MBP: variants seen among roughly 807,000 people sequenced by gnomAD.
MBP encodes the protein myelin basic protein.
MBP carries 16 observed loss-of-function variants against 35.8 expected under a neutral mutation model. The ratio of observed to expected loss-of-function variants is 0.45; its 90% confidence interval spans 0.30 to 0.68. The LOEUF is 0.68. Ranked by LOEUF, MBP falls within the 30% of genes least tolerant of loss-of-function variation. The pLI, the probability that MBP is intolerant of heterozygous loss-of-function variation, is 0.08. For missense variants in MBP, 380 were observed against 404.7 expected, an observed-to-expected ratio of 0.94 and a Z score of 0.52; for synonymous variants, 143 against 159.6, an observed-to-expected ratio of 0.90 and a Z score of 0.78.
Position 76,988,611 on chromosome 18 carries a change from A to G in MBP, c.718-84T>C. On this transcript the variant is annotated intron_variant, in intron 6 of 8. Coordinates refer to ENST00000355994, the MANE Select transcript of MBP (RefSeq NM_001025101.2). The surrounding 1 kb of genome is among the most constrained non-coding windows in gnomAD (Gnocchi z 5.2). ...AATCAACAGGAAACACAGTCAAAGC[A>G]CAGTGGAGCTGAGGTGGTAAAAACA... is the stretch of plus-strand genomic sequence containing the variant. The G allele has an allele frequency of 6.4e-7, 1 of 1,553,268 alleles. No individual in the cohort carries two copies. Among genetic ancestry groups the G allele is most frequent in the Non-Finnish European group, 8.7e-7 (1 of 1,152,296 alleles).
intron 3 of MBP, among the ~76,000 whole-genome samples, chr18:77,024,606 G>C (rs184357437): frequency 5.3e-5 from 8 of 152,210 alleles, no homozygotes; most frequent in African/African-American, 1.9e-4. Context: ...CCAGGCCCTC[G>C]TGCTCTGCAG....
intron 3 of MBP, among the ~76,000 whole-genome samples, chr18:77,034,648 G>A (rs960110848): frequency 1.9e-4 from 29 of 152,298 alleles, no homozygotes; most frequent in African/African-American, 6.7e-4. Flanking sequence ...AACAGTCCCT[G>A]CCCTCATTTT....
rs1227080906 is a variant in MBP at position 77,020,841 on chromosome 18, C to G, written c.140-3573G>C. The stretch of plus-strand genomic sequence containing the variant: ...AGACCACACCCCGGGACCTAGCTCA[C>G]CACAGGCCTGCCTAAGAGTGGACGG... On this transcript the variant is annotated intron_variant, in intron 3 of 8. Transcript: ENST00000355994. This position sits in a 1 kb window ranked among gnomAD's most constrained non-coding sequence, Gnocchi z 4.1. Among the ~76,000 whole-genome samples the G allele has an allele frequency of 6.6e-6, 1 of 152,208 alleles. No individual in the cohort carries two copies. The highest frequency in any genetic ancestry group is 1.5e-5 in the Non-Finnish European group (1 of 68,036).
At chr18:76,987,504 T>G in intron 7 of MBP, 1 of 985,694 alleles carries the variant, frequency 1.0e-6, no homozygotes, top group Non-Finnish European at 1.2e-6. Flanking sequence ...CCTTCCTCCC[T>G]CTCTTCCTTC....
chr18:77,003,255 G>A (rs926492890), intron 4 of MBP: 1 of 152,182 alleles, frequency 6.6e-6, no homozygotes, highest in African/African-American at 2.4e-5. Context: ...CTATGTGACT[G>A]AAAACCAACC....
chr18:77,106,856 G>A (rs1976296378), intron 1 of MBP, among the ~76,000 whole-genome samples: 1 of 152,102 alleles, frequency 6.6e-6, no homozygotes, highest in East Asian at 1.9e-4. Context: ...TATTTAAATT[G>A]GACAACCAAA....
intron 3 of MBP, among the ~76,000 whole-genome samples, chr18:77,063,618 A>C (rs531983134): frequency 6.6e-6 from 1 of 152,362 alleles, no homozygotes; most frequent in Non-Finnish European, 1.5e-5. Context: ...GGAACACCTC[A>C]GTAAACACAA....
intron 1 of MBP, chr18:77,110,679 T>C (rs189880546): frequency 2.0e-5 from 3 of 152,190 alleles, no homozygotes; most frequent in African/African-American, 7.2e-5. Flanking sequence ...CCTTTCTCCA[T>C]TCCATAAGTG....
In MBP at chr18:77,017,078, C is replaced by A; in HGVS notation, c.330G>T (p.Arg110Ser). 1 of 1,611,120 alleles carries A rather than the reference C, an allele frequency of 6.2e-7. No homozygotes were observed. The highest frequency in any genetic ancestry group is 2.2e-5 in the East Asian group (1 of 44,774). ...TCTGGAGCTCGTCGGACTCAGAGGG[C>A]CTGTCTTTGAAGGTGTTGTCCTCCC... is the stretch of plus-strand genomic sequence containing the variant. ...PGREDNTFKD[R>S]PSESDELQTI... The change falls in exon 4 of 9, where the codon AGG (arginine) becomes AGT (serine). Residue 110 changes from arginine (R) to serine (S), a missense_variant. By Grantham distance (110) the Arg-to-Ser change is moderately radical. Coordinates refer to ENST00000355994, the MANE Select transcript of MBP (RefSeq NM_001025101.2).
rs1045123423 is a variant in MBP at position 77,131,545 on chromosome 18, G to C, written c.-26+1035C>G. 4 of 152,196 alleles carry C rather than the reference G, an allele frequency of 2.6e-5. No homozygotes were observed. Among genetic ancestry groups the C allele is most frequent in the African/African-American group, 9.6e-5 (4 of 41,516 alleles). 9.4% of individuals were successfully genotyped at this position (152,196 alleles called of 1,614,324 possible). A position where few individuals can be genotyped will look rare whatever the true frequency, so the allele number is the denominator to read the frequency against. ...AGCACTTGTTGATTCTCACGTTGTT[G>C]CAATTGGAAAACGGAACAAGGAACC... On this transcript the variant is annotated intron_variant, in intron 1 of 8. Coordinates refer to ENST00000355994, the MANE Select transcript of MBP (RefSeq NM_001025101.2). The surrounding 1 kb of genome is among the most constrained non-coding windows in gnomAD (Gnocchi z 5.5).
intron 8 of MBP, chr18:76,980,882 CGG>C: frequency 5.2e-6 from 1 of 193,180 alleles, no homozygotes; most frequent in Non-Finnish European, 1.1e-5. Context: ...TCTTTTTCGG[CGG>C]GACCCTAGCA....
At chr18:77,128,955 C>T (rs1426446747) in intron 1 of MBP, among the ~76,000 whole-genome samples, 3 of 152,134 alleles carry the variant, frequency 2.0e-5, no homozygotes, top group African/African-American at 7.2e-5. Context: ...GGTATAGTCA[C>T]AATTTAAATT....
intron 3 of MBP, among the ~76,000 whole-genome samples, chr18:77,018,748 T>TCATCCATCCATCCATC (rs141460752): frequency 2.1e-5 from 2 of 95,596 alleles, no homozygotes; most frequent in African/African-American, 8.9e-5. Context: ...ATCTATCCAC[T>TCATCCATCCATCCATC]CATCCATCCA....
chr18:77,072,490 G>GT (rs1052204354), intron 2 of MBP, among the ~76,000 whole-genome samples: 38 of 152,224 alleles, frequency 2.5e-4, no homozygotes, highest in Middle Eastern at 3.4e-3. Context: ...AAATAACTGA[G>GT]TTTTCTGTAC....
chr18:77,029,381 GGCATCA>G (rs1327451462), intron 3 of MBP, among the ~76,000 whole-genome samples: 1 of 143,882 alleles, frequency 7.0e-6, no homozygotes, highest in Admixed American at 6.9e-5. Context: ...GCTTCGGCTC[GGCATCA>G]GAGGGAGACC....
At chr18:77,061,336 T>C (rs1424123136) in intron 3 of MBP, among the ~76,000 whole-genome samples, 3 of 152,250 alleles carry the variant, frequency 2.0e-5, no homozygotes, top group African/African-American at 7.2e-5. Flanking sequence ...TAAACAAAGC[T>C]CTGTATGCTT....
At chr18:76,982,981 C>T (rs1969297411) in intron 8 of MBP, 1 of 152,218 alleles carries the variant, frequency 6.6e-6, no homozygotes, top group African/African-American at 2.4e-5. Context: ...GTGTATAGTA[C>T]ACTGGTTATA....
intron 4 of MBP, among the ~76,000 whole-genome samples, chr18:76,994,232 C>T (rs942401197): frequency 2.6e-5 from 4 of 152,348 alleles, no homozygotes; most frequent in Admixed American, 1.3e-4. Context: ...ATCACTGAAA[C>T]AGCTCACAGT....
intron 2 of MBP, among the ~76,000 whole-genome samples, chr18:77,081,819 TACACACACAC>T (rs763116257): frequency 1.3e-4 from 10 of 76,282 alleles, no homozygotes; most frequent in Admixed American, 1.6e-4. Context: ...CACACATATA[TACACACACAC>T]ACACACACAC....
Sources: gnomAD v4.1 joint callset for allele counts (sites outside exome capture counted in the v4.1 genomes callset) on GRCh38, gnomAD v4.1.1 for gene constraint, Gnocchi (gnomAD v3.1) non-coding constraint, MANE v1.5 for transcripts, NCBI Gene and HGNC (gene_info 2026-07-23, HGNC 2026-07-21) for gene names.